Variants in CFAP47 observed in about 807,000 individuals in gnomAD.
CFAP47 encodes cilia- and flagella-associated protein 47.
In CFAP47, 29 loss-of-function variants were observed where a neutral mutation model predicts 148.1. The ratio of observed to expected loss-of-function variants is 0.20; its 90% CI spans 0.15 to 0.27. The LOEUF is 0.27. Among genes scored for constraint, CFAP47 ranks in the 10% least tolerant of loss-of-function variants. The pLI is 1.00. For synonymous variants in CFAP47, 664 were observed against 577.3 expected (o/e 1.15, Z -2.15); for missense variants, 1,872 against 1,697.5 (o/e 1.10, Z -1.81).
intron 33 of CFAP47, among the ~76,000 whole-genome samples, chrX:36,107,097 C>A: frequency 9.0e-6 from 1 of 111,588 alleles, no homozygotes; most frequent in South Asian, 3.7e-4. Context: ...ACTTCTGATT[C>A]ATTTTGCTAC....
At chrX:36,017,517 G>A (rs1437253245) in intron 22 of CFAP47, among the ~76,000 whole-genome samples, 2 of 112,106 alleles carry the variant, frequency 1.8e-5, no homozygotes, top group African/African-American at 6.5e-5. Flanking sequence ...TTCATAGTTT[G>A]AGGTCTTGGA....
At chrX:36,041,546 G>A (rs937200274) in intron 25 of CFAP47, among the ~76,000 whole-genome samples, 2 of 110,481 alleles carry the variant, frequency 1.8e-5, no homozygotes, top group Non-Finnish European at 1.9e-5. Flanking sequence ...ATAATAATGC[G>A]GCCTAATTTG....
chrX:36,012,358 C>T (rs1165857208), intron 21 of CFAP47, among the ~76,000 whole-genome samples: 1 of 111,869 alleles, frequency 8.9e-6, no homozygotes, highest in East Asian at 2.8e-4. Context: ...TATAAAGACA[C>T]ATGCACACGT....
At chrX:36,027,526 T>C (rs995577306) in intron 22 of CFAP47, among the ~76,000 whole-genome samples, 1 of 111,235 alleles carries the variant, frequency 9.0e-6, no homozygotes, top group Non-Finnish European at 1.9e-5. Context: ...TTCATTCTTT[T>C]TTATGGCTGA....
rs1157153266 is a variant in CFAP47 at position 35,953,714 on chromosome X, T to A, written c.1169T>A (p.Ile390Asn). The change falls in exon 7 of 64, where the codon ATC becomes AAC. Residue 390 changes from isoleucine (I) to asparagine (N), a missense_variant. Physicochemically the swap from Ile to Asn is moderately radical, Grantham distance 149 (BLOSUM62 -3). Transcript: ENST00000378653. ...TTGAGAGATGATGACTATAAAACCA[T>A]CAAAAGTAAGTGTGAAATTAACAAA... ...GFLRDDDYKT[I>N]KSERFQKVEL... The A allele has an allele frequency of 8.5e-7, 1 of 1,180,639 alleles. No individual in the cohort carries two copies. Among genetic ancestry groups the A allele is most frequent in the Non-Finnish European group, 1.1e-6 (1 of 879,747 alleles).
chrX:36,018,783 C>T (rs1442539157), intron 22 of CFAP47, among the ~76,000 whole-genome samples: 2 of 108,753 alleles, frequency 1.8e-5, no homozygotes, highest in Non-Finnish European at 3.8e-5. Context: ...TATTCATCAG[C>T]GATATTGGCC....
At chrX:36,109,198 A>C (rs1236205571) in intron 33 of CFAP47, among the ~76,000 whole-genome samples, 1 of 111,949 alleles carries the variant, frequency 8.9e-6, no homozygotes, top group Non-Finnish European at 1.9e-5. Context: ...TCTACCGTTG[A>C]TAGGCATGTA....
chrX:36,041,687 G>A (rs750499722), intron 25 of CFAP47, among the ~76,000 whole-genome samples: 93 of 110,718 alleles, frequency 8.4e-4, no homozygotes, highest in African/African-American at 2.9e-3. Flanking sequence ...ACTTTGGGAG[G>A]CCGAGGCGGG....
At chrX:36,322,537 C>T (rs1393288129) in intron 57 of CFAP47, among the ~76,000 whole-genome samples, 1 of 110,859 alleles carries the variant, frequency 9.0e-6, no homozygotes, top group Admixed American at 9.7e-5. Context: ...TTAAATACTA[C>T]AATTAGTAGT....
chrX:36,004,957 T>C (rs1936964139), intron 21 of CFAP47, among the ~76,000 whole-genome samples: 2 of 111,671 alleles, frequency 1.8e-5, no homozygotes, highest in Non-Finnish European at 3.8e-5. Flanking sequence ...CTGTTTCTTC[T>C]TGAGAAATTT....
intron 57 of CFAP47, among the ~76,000 whole-genome samples, chrX:36,344,254 AAAG>A (rs1432880805): frequency 2.1e-5 from 2 of 95,283 alleles, no homozygotes; most frequent in African/African-American, 1.1e-4. Flanking sequence ...AAAAAGAGAG[AAAG>A]AAAAAAAAAA....
intron 30 of CFAP47, among the ~76,000 whole-genome samples, chrX:36,098,137 G>T (rs1035125825): frequency 8.9e-6 from 1 of 111,847 alleles, no homozygotes; most frequent in African/African-American, 3.3e-5. Flanking sequence ...TTCAACTCCA[G>T]AATTCCTACT....
intron 1 of CFAP47, among the ~76,000 whole-genome samples, chrX:35,921,958 T>C (rs1935584345): frequency 9.0e-6 from 1 of 111,728 alleles, no homozygotes; most frequent in South Asian, 3.7e-4. Flanking sequence ...TGTCATAGAT[T>C]GCTGGTAGAA....
chrX:36,257,523 C>G (rs930899471), intron 49 of CFAP47, among the ~76,000 whole-genome samples: 1 of 108,677 alleles, frequency 9.2e-6, no homozygotes, highest in South Asian at 4.1e-4. Flanking sequence ...CTCCTGGACT[C>G]AGCGATCCTC....
At chrX:35,976,751 A>G (rs73629584) in intron 15 of CFAP47, among the ~76,000 whole-genome samples, 5,754 of 111,953 alleles carry the variant, frequency 0.051, 405 homozygotes, top group African/African-American at 0.18. Flanking sequence ...GAAATTACTT[A>G]TAGCCAATAT....
chrX:36,380,665 G>A (rs1045901922), intron 63 of CFAP47, among the ~76,000 whole-genome samples: 3 of 111,567 alleles, frequency 2.7e-5, no homozygotes, highest in African/African-American at 6.5e-5. Context: ...GGATGGTCTC[G>A]ATCTCCTGAC....
At chrX:36,308,574 A>G (rs1293328975) in intron 55 of CFAP47, among the ~76,000 whole-genome samples, 1 of 111,469 alleles carries the variant, frequency 9.0e-6, no homozygotes, top group African/African-American at 3.2e-5. Context: ...ACAGGCATCT[A>G]AAGAAAATAT....
intron 17 of CFAP47, among the ~76,000 whole-genome samples, chrX:35,992,540 G>A (rs1440450843): frequency 9.0e-6 from 1 of 111,297 alleles, no homozygotes; most frequent in Non-Finnish European, 1.9e-5. Flanking sequence ...AAATGAGGAT[G>A]ATCTTTTCTA....
chrX:36,041,695 G>A (rs1353323294), intron 25 of CFAP47, among the ~76,000 whole-genome samples: 5 of 110,321 alleles, frequency 4.5e-5, no homozygotes, highest in East Asian at 2.8e-4. Context: ...AGGCCGAGGC[G>A]GGCGGATCAC....
Sources: gnomAD v4.1 joint callset for allele counts (sites outside exome capture counted in the v4.1 genomes callset) on GRCh38, gnomAD v4.1.1 for gene constraint, MANE v1.5 for transcripts, NCBI Gene and HGNC (gene_info 2026-07-23, HGNC 2026-07-21) for gene names.